Variants in NUP42 observed in about 807,000 individuals in gnomAD.
NUP42 encodes nucleoporin 42.
NUP42 carries 47 observed loss-of-function variants against 35.9 expected under a neutral mutation model. The ratio of observed to expected loss-of-function variants is 1.31; its 90% CI spans 1.04 to 1.67. The LOEUF is 1.67. Ranked by LOEUF, NUP42 falls within the 40% of genes most tolerant of loss-of-function variation. The pLI, the probability that NUP42 is intolerant of heterozygous loss-of-function variation, is 0.00. For missense variants in NUP42, 514 were observed against 492.2 expected, an observed-to-expected ratio of 1.04 and a Z score of -0.42; for synonymous variants, 173 against 173.3, an observed-to-expected ratio of 1.00 and a Z score of 0.01.
intron 3 of NUP42, among the ~76,000 whole-genome samples, chr7:23,193,891 TAAGACCCGG>T (rs1785909267): frequency 6.6e-6 from 1 of 152,232 alleles, no homozygotes; most frequent in Non-Finnish European, 1.5e-5. Flanking sequence ...GGGAGGCAGC[TAAGACCCGG>T]CAAGAAATCC....
chr7:23,189,048 CA>C (rs1448314453), intron 3 of NUP42, among the ~76,000 whole-genome samples: 4 of 152,176 alleles, frequency 2.6e-5, no homozygotes, highest in Non-Finnish European at 5.9e-5. Context: ...GGGAAGCACA[CA>C]AAAAGTGTGT....
At chr7:23,188,078 C>A in intron 3 of NUP42, 1 of 1,440,938 alleles carries the variant, frequency 6.9e-7, no homozygotes. Flanking sequence ...CGGGCTTTCC[C>A]AAGCCCACTC....
intron 3 of NUP42, among the ~76,000 whole-genome samples, chr7:23,194,112 C>T (rs1241218284): frequency 6.6e-6 from 1 of 152,184 alleles, no homozygotes; most frequent in African/African-American, 2.4e-5. Context: ...CCTCTCCCTC[C>T]ACACCTCCCT....
At position 23,185,218 on chromosome 7, in the gene NUP42, C is replaced by T. The variant is rs1047967331; in HGVS notation, c.270C>T (p.Asn90=). The T allele has an allele frequency of 7.4e-6, 12 of 1,614,002 alleles. No individual in the cohort carries two copies. Among genetic ancestry groups the T allele is most frequent in the African/African-American group, 1.3e-5 (1 of 74,906 alleles). Residue 90 remains asparagine (N), a synonymous_variant, in exon 2 of 7, where the codon AAC becomes AAT. Transcript: ENST00000258742. ...FSSFDSGAST[N]RKEGFGLSEN... ...CTTTTGATTCTGGAGCTTCAACTAACAGGAAGGAAGGCTTTGGATTGTCTG... is the reference window on the plus strand; with the variant it reads ...CTTTTGATTCTGGAGCTTCAACTAATAGGAAGGAAGGCTTTGGATTGTCTG...
At position 23,185,154 on chromosome 7, in the gene NUP42, G is replaced by T. The variant is rs1554295346; in HGVS notation, c.206G>T (p.Trp69Leu). The T allele has an allele frequency of 1.2e-6, 2 of 1,613,946 alleles. No homozygotes were observed. The highest frequency in any genetic ancestry group is 1.7e-6 in the Non-Finnish European group (2 of 1,179,850). ...TCCAGTTTCTCCAAATCCACACCATGGGGGGGCAGCAGAGATCAAGAAAAG... is the reference window on the plus strand; with the variant it reads ...TCCAGTTTCTCCAAATCCACACCATTGGGGGGCAGCAGAGATCAAGAAAAG... ...QPSSFSKSTP[W>L]GGSRDQEKPY... The change falls in exon 2 of 7, where the codon TGG becomes TTG. Residue 69 changes from tryptophan (W) to leucine (L), a missense_variant. Physicochemically the swap from Trp to Leu is moderately conservative, Grantham distance 61 (BLOSUM62 -2). Transcript: ENST00000258742.
chr7:23,190,735 A>G (rs1211903319), intron 3 of NUP42, among the ~76,000 whole-genome samples: 4 of 152,220 alleles, frequency 2.6e-5, no homozygotes, highest in African/African-American at 7.2e-5. Context: ...TTGCCCATAC[A>G]TATGTAACAA....
At chr7:23,182,385 A>C in intron 1 of NUP42, 179 bp downstream of exon 1, 1 of 1,402,700 alleles carries the variant, frequency 7.1e-7, no homozygotes, top group Non-Finnish European at 9.3e-7. Context: ...CATATTATTC[A>C]TGTGGTCCGT....
At chr7:23,187,443 G>C (rs1006998698) in intron 3 of NUP42, 2 of 211,984 alleles carry the variant, frequency 9.4e-6, no homozygotes, top group African/African-American at 4.7e-5. Flanking sequence ...GCTTCCTGTT[G>C]TGAATAGAAG....
Position 23,200,770 on chromosome 7 carries a change from G to T in NUP42, c.*25G>T. 6.8e-7 allele frequency: 1 copy of T among 1,468,718 alleles called. No individual in the cohort carries two copies. The highest frequency in any genetic ancestry group is 9.2e-7 in the Non-Finnish European group (1 of 1,092,620). 91.0% of individuals were successfully genotyped at this position (1,468,718 alleles called of 1,614,324 possible). On this transcript the variant is annotated 3_prime_UTR_variant, in exon 7 of 7. Transcript: ENST00000258742. Reference sequence around the variant, plus strand: ...AAAGGGCAATTTTAAATACAAAAAAGAATGATGTTTAAAATTGCTTTGAGT... The same window carrying T: ...AAAGGGCAATTTTAAATACAAAAAATAATGATGTTTAAAATTGCTTTGAGT...
intron 4 of NUP42, 162 bp from the exon 5 acceptor site, chr7:23,196,518 T>C (rs1402603732): frequency 5.2e-6 from 3 of 573,726 alleles, no homozygotes; most frequent in Non-Finnish European, 9.3e-6. Context: ...GGCATATCTT[T>C]GACAAATAGG....
rs1583762467 is a variant in NUP42 at position 23,187,992 on chromosome 7, CTT to C, written c.445+852_445+853del. ...ATTTGCTTTAGAATATTCTCTCTCT[CTT>C]TTTTTATTTTTTATTTTTATTTTTT... On this transcript the variant is annotated intron_variant, in intron 3 of 6. Transcript: ENST00000258742. 8 of 944,676 alleles carry C rather than the reference CTT, an allele frequency of 8.5e-6. No individual in the cohort carries two copies. The East Asian group carries it at 2.0e-4, about 24-fold the overall frequency. 58.5% of individuals were successfully genotyped at this position (944,676 alleles called of 1,614,324 possible).
chr7:23,197,220 T>C, intron 5 of NUP42: 2 of 1,301,354 alleles, frequency 1.5e-6, no homozygotes, highest in Non-Finnish European at 2.0e-6. Flanking sequence ...AGATCTATGG[T>C]CCCGACTGTG....
Position 23,200,790 on chromosome 7 carries a change from T to C in NUP42, c.*45T>C. 7.6e-7 allele frequency: 1 copy of C among 1,320,918 alleles called. No individual in the cohort carries two copies. Among genetic ancestry groups the C allele is most frequent in the Non-Finnish European group, 1.0e-6 (1 of 965,172 alleles). 81.8% of individuals were successfully genotyped at this position (1,320,918 alleles called of 1,614,324 possible). A position where few individuals can be genotyped will look rare whatever the true frequency, so the allele number is the denominator to read the frequency against. On this transcript the variant is annotated 3_prime_UTR_variant, in exon 7 of 7. Transcript: ENST00000258742. ...AAAAAGAATGATGTTTAAAATTGCT[T>C]TGAGTGATTCATACAGAGATGTATA...
chr7:23,187,343 A>G, intron 3 of NUP42, 197 bp downstream of exon 3: 1 of 445,496 alleles, frequency 2.2e-6, no homozygotes, highest in Non-Finnish European at 3.9e-6. Flanking sequence ...CTTTTAAGAC[A>G]TATAGTTCTT....
intron 3 of NUP42, among the ~76,000 whole-genome samples, chr7:23,191,259 G>A (rs1382089809): frequency 6.6e-6 from 1 of 152,204 alleles, no homozygotes; most frequent in Non-Finnish European, 1.5e-5. Context: ...GCAAAAGAGG[G>A]ACGTGATCTG....
intron 3 of NUP42, chr7:23,188,594 G>T: frequency 1.1e-6 from 1 of 943,162 alleles, no homozygotes; most frequent in Non-Finnish European, 1.3e-6. Flanking sequence ...TTAAATTTCA[G>T]ATAAACAGTG....
rs1022210813 is a variant in NUP42 at position 23,182,265 on chromosome 7, C to T, written c.121+59C>T. 26 of 1,540,914 alleles carry T rather than the reference C, an allele frequency of 1.7e-5. No individual in the cohort carries two copies. In the South Asian group the frequency reaches 3.0e-4, roughly 18 times the overall value. ...GCCGGGAAGGGTCCGCCGGCGGGGA[C>T]CGGGCGTCCCGCGTGTTTCCCGCTG... is the stretch of plus-strand genomic sequence containing the variant. On this transcript the variant is annotated intron_variant, in intron 1 of 6. Coordinates refer to ENST00000258742, the MANE Select transcript of NUP42 (RefSeq NM_007342.3).
At chr7:23,193,503 GTTGA>G (rs1243264880) in intron 3 of NUP42, among the ~76,000 whole-genome samples, 1 of 152,124 alleles carries the variant, frequency 6.6e-6, no homozygotes, top group Non-Finnish European at 1.5e-5. Flanking sequence ...TAGATACAGT[GTTGA>G]TTGGTGTATT....
At chr7:23,188,349 C>T (rs1350928610) in intron 3 of NUP42, 12 of 1,121,334 alleles carry the variant, frequency 1.1e-5, no homozygotes, top group African/African-American at 3.3e-5. Flanking sequence ...ATGAATCTTA[C>T]ATTCTTGAGG....
Sources: allele counts gnomAD v4.1 joint callset (sites outside exome capture counted in the v4.1 genomes callset), GRCh38; gene constraint gnomAD v4.1.1; transcripts MANE v1.5; gene names NCBI Gene and HGNC (gene_info 2026-07-23, HGNC 2026-07-21).